STMN4: variants seen among roughly 807,000 people sequenced by gnomAD.
The protein encoded by STMN4 is stathmin-4.
A neutral mutation model predicts 29.1 loss-of-function variants in STMN4; 12 were observed. The ratio of observed to expected loss-of-function variants is 0.41; its 90% confidence interval spans 0.26 to 0.67. The LOEUF is 0.67. Ranked by LOEUF, STMN4 falls within the 30% of genes least tolerant of loss-of-function variation. The pLI is 0.30. For missense variants in STMN4, 181 were observed against 262.8 expected, an observed-to-expected ratio of 0.69 and a Z score of 2.15; for synonymous variants, 114 against 105.3, an observed-to-expected ratio of 1.08 and a Z score of -0.51.
At chr8:27,256,291 G>A (rs1345861949) in intron 1 of STMN4, among the ~76,000 whole-genome samples, 1 of 152,018 alleles carries the variant, frequency 6.6e-6, no homozygotes, top group Admixed American at 6.6e-5. Flanking sequence ...TGCATGCACA[G>A]CAATGTAAAT....
In STMN4 at chr8:27,241,660, C is replaced by T. The variant is rs766061577; in HGVS notation, c.190+17G>A. On this transcript the variant is annotated intron_variant, in intron 4 of 6. Transcript: ENST00000350889. ...TGACGCTCGGCCTGCGGAATCCCTCCGCTGCCTCCCTCCTACCCTGAGCTC... is the reference window on the plus strand; with the variant it reads ...TGACGCTCGGCCTGCGGAATCCCTCTGCTGCCTCCCTCCTACCCTGAGCTC... 3 of 1,614,108 alleles carry T rather than the reference C, an allele frequency of 1.9e-6. No individual in the cohort carries two copies. The highest frequency in any genetic ancestry group is 1.7e-5 in the Admixed American group (1 of 60,022).
intron 2 of STMN4, 73 bp downstream of exon 2, chr8:27,243,638 C>T: frequency 6.6e-7 from 1 of 1,515,128 alleles, no homozygotes; most frequent in Non-Finnish European, 9.2e-7. Flanking sequence ...TTCTTCCCTG[C>T]TTCTGTGAGT....
intron 6 of STMN4, among the ~76,000 whole-genome samples, chr8:27,239,054 A>G (rs917018470): frequency 6.6e-6 from 1 of 152,216 alleles, no homozygotes; most frequent in Non-Finnish European, 1.5e-5. Flanking sequence ...GGCCCTGCCA[A>G]GCTTTGCAGG....
intron 2 of STMN4, 62 bp downstream of exon 2, chr8:27,243,649 C>T (rs1801541008): frequency 6.5e-7 from 1 of 1,547,960 alleles, no homozygotes. Context: ...TTCTGTGAGT[C>T]CATGTTGGGT....
Position 27,248,583 on chromosome 8 carries a change from G to T in STMN4, c.-78-4782C>A, listed in dbSNP as rs527709692. On this transcript the variant is annotated intron_variant, in intron 1 of 6. Transcript: ENST00000350889. ...TTTTGAATGAGGGGAGAAGAGAACA[G>T]TGATGCTGATAATAATAGCAATAAT... Among the ~76,000 whole-genome samples, 3 of 152,312 alleles carry T rather than the reference G, an allele frequency of 2.0e-5. No homozygotes were observed. The South Asian group carries it at 6.2e-4, about 32-fold the overall frequency.
At chr8:27,244,335 G>A (rs940700343) in intron 1 of STMN4, among the ~76,000 whole-genome samples, 7 of 152,150 alleles carry the variant, frequency 4.6e-5, no homozygotes, top group African/African-American at 1.7e-4. Flanking sequence ...CAAGACGACT[G>A]ACCTAAGCTG....
chr8:27,247,993 G>A (rs931865331), intron 1 of STMN4, among the ~76,000 whole-genome samples: 3 of 152,152 alleles, frequency 2.0e-5, no homozygotes, highest in African/African-American at 7.2e-5. Flanking sequence ...CAGCAACAAA[G>A]ATCAAAGGAG....
At chr8:27,246,084 C>G (rs973775733) in intron 1 of STMN4, among the ~76,000 whole-genome samples, 8 of 152,178 alleles carry the variant, frequency 5.3e-5, no homozygotes, top group African/African-American at 1.7e-4. Flanking sequence ...AGTGGAAGAA[C>G]TAGATACTCA....
chr8:27,256,135 C>T (rs1476291380), intron 1 of STMN4, among the ~76,000 whole-genome samples: 9 of 152,116 alleles, frequency 5.9e-5, no homozygotes, highest in Non-Finnish European at 2.9e-5. Flanking sequence ...TATGATTCCA[C>T]TTATCTGAGG....
Position 27,239,959 on chromosome 8 carries a change from G to A in STMN4, c.591+12C>T, listed in dbSNP as rs956291502. The A allele has an allele frequency of 5.6e-6, 9 of 1,614,236 alleles. No homozygotes were observed. In the Admixed American group the frequency reaches 1.0e-4, roughly 18 times the overall value. On this transcript the variant is annotated intron_variant, in intron 6 of 6. Transcript: ENST00000350889. Reference sequence around the variant, plus strand: ...GTCCCAGGAAACTCCTCTCTAGCCAGGGACCCCTCACCTTCTCTTGCAGCC... The same window carrying A: ...GTCCCAGGAAACTCCTCTCTAGCCAAGGACCCCTCACCTTCTCTTGCAGCC...
chr8:27,249,628 A>T (rs896444336), intron 1 of STMN4, among the ~76,000 whole-genome samples: 2 of 152,140 alleles, frequency 1.3e-5, no homozygotes, highest in East Asian at 3.8e-4. Flanking sequence ...ATGAGAGGGG[A>T]CAGCCCACAT....
chr8:27,248,217 C>CTATTTATTTATT (rs140800660), intron 1 of STMN4, among the ~76,000 whole-genome samples: 15 of 151,944 alleles, frequency 9.9e-5, no homozygotes, highest in African/African-American at 3.4e-4. Flanking sequence ...AGAGAGGACT[C>CTATTTATTTATT]TATTTATTTA....
chr8:27,239,543 G>A (rs1231171155), intron 6 of STMN4: 1 of 736,958 alleles, frequency 1.4e-6, no homozygotes, highest in Non-Finnish European at 2.1e-6. Flanking sequence ...CCTGCTCAGT[G>A]GGAATCTCAG....
intron 2 of STMN4, among the ~76,000 whole-genome samples, chr8:27,242,929 G>A (rs1054551788): frequency 6.6e-6 from 1 of 152,204 alleles, no homozygotes; most frequent in African/African-American, 2.4e-5. Context: ...GCAGGGTTAA[G>A]GAGCTGGATA....
chr8:27,243,914 CCT>C, intron 1 of STMN4, 113 bp from the exon 2 acceptor site: 1 of 905,196 alleles, frequency 1.1e-6, no homozygotes, highest in Non-Finnish European at 1.7e-6. Context: ...ATTTGCTCTT[CCT>C]CCAGGCCCTC....
At chr8:27,242,862 C>A (rs1801516433) in intron 2 of STMN4, among the ~76,000 whole-genome samples, 1 of 152,154 alleles carries the variant, frequency 6.6e-6, no homozygotes, top group African/African-American at 2.4e-5. Context: ...TTCTTTTTCT[C>A]CAGGACACAG....
At chr8:27,242,024 C>T (rs1586007551) in intron 3 of STMN4, 1 of 573,692 alleles carries the variant, frequency 1.7e-6, no homozygotes, top group East Asian at 2.9e-5. Flanking sequence ...CAGAGGAGAC[C>T]TGTTGACCTG....
At chr8:27,256,434 G>A (rs1402958120) in intron 1 of STMN4, among the ~76,000 whole-genome samples, 2 of 152,100 alleles carry the variant, frequency 1.3e-5, no homozygotes, top group African/African-American at 2.4e-5. Context: ...TAGTCTTAGG[G>A]TTAGGAGAGG....
At chr8:27,237,036 C>T in intron 6 of STMN4, 131 bp from the exon 7 acceptor site, 1 of 910,928 alleles carries the variant, frequency 1.1e-6, no homozygotes, top group Non-Finnish European at 1.6e-6. Context: ...TCTGCAAAGG[C>T]ATCCCGAGAG....
Sources: gnomAD v4.1 joint callset for allele counts (sites outside exome capture counted in the v4.1 genomes callset) on GRCh38, gnomAD v4.1.1 for gene constraint, MANE v1.5 for transcripts, NCBI Gene and HGNC (gene_info 2026-07-23, HGNC 2026-07-21) for gene names.